The following SLC10A7 variants were observed in gnomAD, a reference collection of about 807,000 sequenced individuals.
The protein encoded by SLC10A7 is solute carrier family 10 member 7, also known as sodium/bile acid cotransporter 7.
SLC10A7 carries 29 observed loss-of-function variants against 43.2 expected under a neutral mutation model. The ratio of observed to expected loss-of-function variants is 0.67; its 90% CI spans 0.50 to 0.92. SLC10A7 has a LOEUF of 0.92. Ranked by LOEUF, SLC10A7 falls within the 40% of genes least tolerant of loss-of-function variation. The probability of loss-of-function intolerance (pLI) is 0.00; values close to 1 mark genes in which losing one functional copy is unlikely to be tolerated. For synonymous variants in SLC10A7, 152 were observed against 144.8 expected (o/e 1.05, Z -0.35); for missense variants, 295 against 403.2 (o/e 0.73, Z 2.30).
chr4:146,456,464 G>A (rs971127761), intron 4 of SLC10A7, among the ~76,000 whole-genome samples: 4 of 151,834 alleles, frequency 2.6e-5, no homozygotes, highest in East Asian at 1.9e-4. Context: ...CACTTCAAGG[G>A]TCCACAGGCT....
chr4:146,437,293 G>A (rs929288271), intron 5 of SLC10A7, among the ~76,000 whole-genome samples: 11 of 152,022 alleles, frequency 7.2e-5, no homozygotes, highest in South Asian at 2.1e-4. Context: ...TGCATAGCAC[G>A]ATGATGGGTT....
chr4:146,409,877 T>G (rs1008272575), intron 5 of SLC10A7, among the ~76,000 whole-genome samples: 3 of 152,182 alleles, frequency 2.0e-5, no homozygotes, highest in African/African-American at 4.8e-5. Context: ...CTTAATTTAC[T>G]AGTAAGTGAT....
intron 5 of SLC10A7, among the ~76,000 whole-genome samples, chr4:146,427,619 A>G (rs1729467854): frequency 6.6e-6 from 1 of 152,000 alleles, no homozygotes; most frequent in African/African-American, 2.4e-5. Flanking sequence ...TACTGTTTCC[A>G]TGATCTCTAC....
chr4:146,309,398 G>A (rs185758094), intron 6 of SLC10A7, among the ~76,000 whole-genome samples: 2 of 152,182 alleles, frequency 1.3e-5, no homozygotes, highest in East Asian at 1.9e-4. Context: ...CAGAAACATC[G>A]GGAGGGCTTG....
chr4:146,356,077 T>C (rs1421228261), intron 5 of SLC10A7, among the ~76,000 whole-genome samples: 1 of 148,368 alleles, frequency 6.7e-6, no homozygotes, highest in African/African-American at 2.5e-5. Flanking sequence ...TACATATATA[T>C]AGTCTTTTAA....
At chr4:146,356,164 C>T (rs7689364) in intron 5 of SLC10A7, among the ~76,000 whole-genome samples, 72,612 of 150,878 alleles carry the variant, frequency 0.48, 17,826 homozygotes, top group East Asian at 0.62. Flanking sequence ...TGCATACTTA[C>T]TTAAAGATTT....
chr4:146,281,392 A>T (rs1729540385), intron 10 of SLC10A7, among the ~76,000 whole-genome samples: 1 of 151,312 alleles, frequency 6.6e-6, no homozygotes, highest in Non-Finnish European at 1.5e-5. Flanking sequence ...ACTTGAAGTA[A>T]AATCAAAAAA....
rs184206051 is a variant in SLC10A7 at position 146,422,515 on chromosome 4, A to G, written c.435+20268T>C. ...AGTATAACATTTACCTAAAAAGAAC[A>G]TTACTATAGTTTAACCGTGTATAAA... is the stretch of plus-strand genomic sequence containing the variant. On this transcript the variant is annotated intron_variant, in intron 5 of 11. Coordinates refer to ENST00000335472, the MANE Select transcript of SLC10A7 (RefSeq NM_001029998.6). Among the ~76,000 whole-genome samples, 4 of 152,310 alleles carry G rather than the reference A, an allele frequency of 2.6e-5. No homozygotes were observed. In the East Asian group the frequency reaches 7.7e-4, roughly 29 times the overall value.
intron 5 of SLC10A7, among the ~76,000 whole-genome samples, chr4:146,389,817 T>C (rs191927556): frequency 6.6e-6 from 1 of 152,230 alleles, no homozygotes; most frequent in Non-Finnish European, 1.5e-5. Flanking sequence ...GCAAATCACT[T>C]AACTAGCCCC....
intron 5 of SLC10A7, among the ~76,000 whole-genome samples, chr4:146,436,989 T>C (rs931152447): frequency 1.3e-4 from 20 of 152,150 alleles, no homozygotes; most frequent in African/African-American, 4.8e-4. Flanking sequence ...TAATGATGTC[T>C]GAATGCTGGA....
intron 5 of SLC10A7, among the ~76,000 whole-genome samples, chr4:146,389,964 C>T (rs1738298424): frequency 6.6e-6 from 1 of 152,098 alleles, no homozygotes; most frequent in African/African-American, 2.4e-5. Context: ...TAAATGTTAG[C>T]TGAATGCAAC....
intron 4 of SLC10A7, among the ~76,000 whole-genome samples, chr4:146,486,107 G>A (rs1022000444): frequency 3.9e-5 from 6 of 152,078 alleles, no homozygotes; most frequent in Admixed American, 1.3e-4. Context: ...ATAAAACTAT[G>A]GTTTTCTAAA....
chr4:146,505,401 CTT>C (rs1017402904), intron 3 of SLC10A7, among the ~76,000 whole-genome samples: 3 of 152,154 alleles, frequency 2.0e-5, no homozygotes, highest in South Asian at 4.2e-4. Context: ...TTAATCGACT[CTT>C]TATATTATAG....
At chr4:146,442,886 A>T in intron 4 of SLC10A7, 65 bp from the exon 5 acceptor site, 3 of 1,123,020 alleles carry the variant, frequency 2.7e-6, no homozygotes, top group Non-Finnish European at 3.8e-6. Context: ...AAAGCCAAAG[A>T]TTATCATTCT....
chr4:146,492,845 G>GT lies in SLC10A7; in HGVS notation c.396+11003dup, dbSNP rs201792798. Among the ~76,000 whole-genome samples, 410 of 151,074 alleles carry GT rather than the reference G, an allele frequency of 2.7e-3. 1 individual carries two copies. The highest frequency in any genetic ancestry group is 9.2e-3 in the African/African-American group (379 of 41,208). On this transcript the variant is annotated intron_variant, in intron 4 of 11. Transcript: ENST00000335472. ...CCTCTCATTTACATGGGTCTTATATGTTTTTTTTTCCCAAAATATTTTCAT... is the reference window on the plus strand; with the variant it reads ...CCTCTCATTTACATGGGTCTTATATGTTTTTTTTTTCCCAAAATATTTTCAT...
chr4:146,396,590 G>C (rs185098601), intron 5 of SLC10A7, among the ~76,000 whole-genome samples: 3 of 151,856 alleles, frequency 2.0e-5, no homozygotes, highest in African/African-American at 7.3e-5. Flanking sequence ...TCAATCAGTT[G>C]CAGCACATTT....
intron 5 of SLC10A7, among the ~76,000 whole-genome samples, chr4:146,383,386 C>T (rs148779969): frequency 6.6e-6 from 1 of 152,256 alleles, no homozygotes; most frequent in African/African-American, 2.4e-5. Flanking sequence ...CAGGAAACAT[C>T]CTCTTCATTT....
intron 5 of SLC10A7, among the ~76,000 whole-genome samples, chr4:146,421,669 T>G (rs1728974657): frequency 6.6e-6 from 1 of 152,182 alleles, no homozygotes; most frequent in Non-Finnish European, 1.5e-5. Flanking sequence ...TTCATTCATT[T>G]ATTTTTTATG....
intron 6 of SLC10A7, among the ~76,000 whole-genome samples, chr4:146,313,600 A>G (rs910179609): frequency 1.3e-5 from 2 of 152,166 alleles, no homozygotes; most frequent in African/African-American, 4.8e-5. Context: ...GCAACCATAA[A>G]TGGAAACAAA....
Sources: allele counts gnomAD v4.1 joint callset (sites outside exome capture counted in the v4.1 genomes callset), GRCh38; gene constraint gnomAD v4.1.1; transcripts MANE v1.5; gene names NCBI Gene and HGNC (gene_info 2026-07-23, HGNC 2026-07-21).